STXBP5: variants seen among roughly 807,000 people sequenced by gnomAD.
STXBP5 encodes syntaxin-binding protein 5.
A neutral mutation model predicts 152.4 loss-of-function variants in STXBP5; 50 were observed. The ratio of observed to expected loss-of-function variants is 0.33; its 90% CI spans 0.26 to 0.42. The LOEUF (loss-of-function observed/expected upper bound fraction) is 0.42, where lower values mean the gene tolerates loss of function less well. Ranked by LOEUF, STXBP5 falls within the 10% of genes least tolerant of loss-of-function variation. The pLI is 1.00. For synonymous variants in STXBP5, 492 were observed against 494.7 expected (o/e 0.99, Z 0.07); for missense variants, 1,167 against 1,388.6 (o/e 0.84, Z 2.54).
At chr6:147,326,836 T>C (rs1288335635) in intron 17 of STXBP5, among the ~76,000 whole-genome samples, 1 of 152,176 alleles carries the variant, frequency 6.6e-6, no homozygotes, top group East Asian at 1.9e-4. Context: ...TGTTGCGTTG[T>C]GAGATGTGAG....
intron 26 of STXBP5, 32 bp from the exon 27 acceptor site, chr6:147,382,746 G>GAGTT: frequency 6.2e-7 from 1 of 1,601,828 alleles, no homozygotes. Context: ...TTCATGTTTT[G>GAGTT]AGTTACTCTT....
intron 2 of STXBP5, among the ~76,000 whole-genome samples, chr6:147,213,440 G>C (rs1017999811): frequency 1.3e-5 from 1 of 74,728 alleles, no homozygotes; most frequent in Admixed American, 1.4e-4. Flanking sequence ...ATATATGTGT[G>C]TGTGTGTGTG....
Position 147,323,592 on chromosome 6 carries a change from A to T in STXBP5, c.1803-1367A>T, listed in dbSNP as rs145318434. The stretch of plus-strand genomic sequence containing the variant: ...TGTTTAGTAGAGACGGGGTTTCGCC[A>T]TGTTGGCCAGGCTGGTCTCGAACTC... On this transcript the variant is annotated intron_variant, in intron 16 of 27. Coordinates refer to ENST00000321680, the MANE Select transcript of STXBP5 (RefSeq NM_001127715.4). 6.8e-4 allele frequency among the ~76,000 whole-genome samples: 103 copies of T among 152,192 alleles called. 1 individual carries two copies. In the East Asian group the frequency reaches 0.019, roughly 28 times the overall value.
intron 7 of STXBP5, among the ~76,000 whole-genome samples, chr6:147,270,442 T>C (rs1236333348): frequency 2.0e-5 from 3 of 149,578 alleles, no homozygotes; most frequent in Non-Finnish European, 4.4e-5. Flanking sequence ...TTTTCTTAGA[T>C]GCAATGTAAG....
rs1462390200 is a variant in STXBP5 at position 147,364,081 on chromosome 6, C to A, written c.2996C>A (p.Thr999Asn). The change falls in exon 25 of 28, where the codon ACC (threonine) becomes AAC (asparagine). Residue 999 changes from threonine (T) to asparagine (N), a missense_variant. Thr to Asn is a moderately conservative substitution (Grantham distance 65). Transcript: ENST00000321680. ...CGGATAGCCAGAACGTTCTGCTTTA[C>A]CAACAATGGACAAGCATTATACCTT... Reference protein sequence around the residue: ...NMRIARTFCFTNNGQALYLVS... With the variant: ...NMRIARTFCFNNNGQALYLVS... 1 of 1,614,020 alleles carries A rather than the reference C, an allele frequency of 6.2e-7. No homozygotes were observed. The highest frequency in any genetic ancestry group is 1.7e-5 in the Admixed American group (1 of 60,016).
chr6:147,306,379 G>T (rs1195691795), intron 9 of STXBP5, among the ~76,000 whole-genome samples: 1 of 152,216 alleles, frequency 6.6e-6, no homozygotes, highest in Non-Finnish European at 1.5e-5. Flanking sequence ...ACTCTGCCAG[G>T]GTGGCTGGGC....
chr6:147,212,458 C>G (rs1776906750), intron 2 of STXBP5, among the ~76,000 whole-genome samples: 1 of 152,188 alleles, frequency 6.6e-6, no homozygotes, highest in African/African-American at 2.4e-5. Flanking sequence ...AATCTTCAGA[C>G]TTACCTTGTA....
intron 26 of STXBP5, among the ~76,000 whole-genome samples, chr6:147,381,746 TTGACG>T (rs1298669138): frequency 6.6e-6 from 1 of 152,142 alleles, no homozygotes; most frequent in Non-Finnish European, 1.5e-5. Context: ...TCAATAACCT[TTGACG>T]TTACTCTCAG....
chr6:147,311,383 C>T, intron 10 of STXBP5, 72 bp from the exon 11 acceptor site: 1 of 1,256,002 alleles, frequency 8.0e-7, no homozygotes, highest in Non-Finnish European at 1.2e-6. Flanking sequence ...TAAAATCAAG[C>T]AAGAAACATT....
chr6:147,359,051 T>A (rs773442230), intron 22 of STXBP5, 33 bp from the exon 23 acceptor site: 49 of 1,598,280 alleles, frequency 3.1e-5, no homozygotes, highest in Non-Finnish European at 4.1e-5. Flanking sequence ...TTTTATAACT[T>A]GAGCAATCTC....
intron 2 of STXBP5, among the ~76,000 whole-genome samples, chr6:147,217,462 G>A (rs1229666011): frequency 2.0e-5 from 3 of 152,136 alleles, no homozygotes; most frequent in Non-Finnish European, 2.9e-5. Flanking sequence ...ATAGTAGTTT[G>A]AGCAAGTGGT....
At chr6:147,268,026 G>A in intron 7 of STXBP5, among the ~76,000 whole-genome samples, 1 of 152,120 alleles carries the variant, frequency 6.6e-6, no homozygotes, top group East Asian at 1.9e-4. Flanking sequence ...GGATAAATAT[G>A]TGGTTCTTTT....
intron 18 of STXBP5, among the ~76,000 whole-genome samples, chr6:147,330,220 A>G (rs896576702): frequency 6.6e-6 from 1 of 152,152 alleles, no homozygotes; most frequent in Admixed American, 6.5e-5. Context: ...GAACTGTAGG[A>G]TAATATATAT....
At chr6:147,357,753 C>T (rs2128410644) in intron 22 of STXBP5, among the ~76,000 whole-genome samples, 1 of 152,174 alleles carries the variant, frequency 6.6e-6, no homozygotes, top group East Asian at 1.9e-4. Context: ...AAAGGAGAAA[C>T]CCAAACTGTG....
At position 147,359,449 on chromosome 6, in the gene STXBP5, C is replaced by T. The variant is rs557023101; in HGVS notation, c.2545+126C>T. 278 of 1,134,764 alleles carry T rather than the reference C, an allele frequency of 2.4e-4. 2 individuals carry two copies. The Middle Eastern group carries it at 6.4e-3, about 26-fold the overall frequency. 70.3% of individuals were successfully genotyped at this position (1,134,764 alleles called of 1,614,324 possible). On this transcript the variant is annotated intron_variant, in intron 23 of 27. Coordinates refer to ENST00000321680, the MANE Select transcript of STXBP5 (RefSeq NM_001127715.4). Reference sequence around the variant, plus strand: ...GTAAAGTAAATGGGGACAGTGATGGCCTTATTTATTTATTTTTTTAATTAT... The same window carrying T: ...GTAAAGTAAATGGGGACAGTGATGGTCTTATTTATTTATTTTTTTAATTAT...
chr6:147,372,645 G>C (rs1369737623), intron 25 of STXBP5, among the ~76,000 whole-genome samples: 1 of 151,462 alleles, frequency 6.6e-6, no homozygotes, highest in Non-Finnish European at 1.5e-5. Flanking sequence ...ATGTTGGTCA[G>C]GCTGGTCTCG....
At chr6:147,311,156 T>A (rs748088496) in intron 10 of STXBP5, among the ~76,000 whole-genome samples, 7 of 152,202 alleles carry the variant, frequency 4.6e-5, no homozygotes, top group Admixed American at 6.5e-5. Context: ...ATAACTGTTC[T>A]TGTGTGTATT....
intron 22 of STXBP5, among the ~76,000 whole-genome samples, chr6:147,356,977 A>G (rs1384837453): frequency 1.3e-5 from 2 of 152,176 alleles, no homozygotes; most frequent in Non-Finnish European, 2.9e-5. Flanking sequence ...TCAACTATAA[A>G]TCTGCCTTCA....
chr6:147,377,729 G>T (rs998484332), intron 26 of STXBP5, among the ~76,000 whole-genome samples: 8 of 152,054 alleles, frequency 5.3e-5, no homozygotes, highest in African/African-American at 1.9e-4. Context: ...ACCTCCCAAA[G>T]GCCCCCACTT....
Sources: allele counts gnomAD v4.1 joint callset (sites outside exome capture counted in the v4.1 genomes callset), GRCh38; gene constraint gnomAD v4.1.1; transcripts MANE v1.5; gene names NCBI Gene and HGNC (gene_info 2026-07-23, HGNC 2026-07-21).